Variants in ITGB3BP observed in about 807,000 individuals in gnomAD.
ITGB3BP encodes centromere protein R.
Under a neutral mutation model 29.1 loss-of-function variants are expected in ITGB3BP, and 27 were observed. The ratio of observed to expected loss-of-function variants is 0.93; its 90% CI spans 0.68 to 1.28. The LOEUF is 1.28. Among genes scored for constraint, ITGB3BP ranks in the 50% most tolerant of loss-of-function variants. The probability of loss-of-function intolerance (pLI) is 0.00; values close to 1 mark genes in which losing one functional copy is unlikely to be tolerated. For missense variants in ITGB3BP, 192 were observed against 200.2 expected, an observed-to-expected ratio of 0.96 and a Z score of 0.25; for synonymous variants, 61 against 61.4, an observed-to-expected ratio of 0.99 and a Z score of 0.03.
chr1:63,508,639 G>A, intron 1 of ITGB3BP, 69 bp from the exon 2 acceptor site: 3 of 669,300 alleles, frequency 4.5e-6, no homozygotes, highest in Non-Finnish European at 7.5e-6. Context: ...AATAATTAAG[G>A]GAAGATATAT....
In ITGB3BP at chr1:63,517,385, AAAATAAAAAT is replaced by A. The variant is rs572841858; in HGVS notation, c.5+5734_5+5743del. On this transcript the variant is annotated intron_variant, in intron 1 of 8. Transcript: ENST00000271002. ...CTAAAACTTAAAGTATAATAATAAAAAAATAAAAATAAATAAAAATAAATAAAAAATAAAT... is the reference window on the plus strand; with the variant it reads ...CTAAAACTTAAAGTATAATAATAAAAAAATAAAAATAAATAAAAAATAAAT... 8.1e-3 allele frequency among the ~76,000 whole-genome samples: 1,224 copies of A among 151,496 alleles called. 14 individuals are homozygous for A. Among genetic ancestry groups the A allele is most frequent in the Admixed American group, 0.028 (423 of 15,234 alleles).
Position 63,454,049 on chromosome 1 carries a change from C to T in ITGB3BP, c.428-75G>A. 1.3e-6 allele frequency: 1 copy of T among 771,646 alleles called. No individual in the cohort carries two copies. Among genetic ancestry groups the T allele is most frequent in the Non-Finnish European group, 2.2e-6 (1 of 461,150 alleles). 47.8% of individuals were successfully genotyped at this position (771,646 alleles called of 1,614,324 possible). A position where few individuals can be genotyped will look rare whatever the true frequency, so the allele number is the denominator to read the frequency against. On this transcript the variant is annotated intron_variant, in intron 6 of 8. Transcript: ENST00000271002. The surrounding 1 kb of genome is among the most constrained non-coding windows in gnomAD (Gnocchi z 4.1). The stretch of plus-strand genomic sequence containing the variant: ...ATTTCTCAATACTTGCAACAAACAA[C>T]TTCATGAGAAAAAAATAATTCAAAA...
chr1:63,493,229 C>A (rs929626008), intron 2 of ITGB3BP, among the ~76,000 whole-genome samples: 3 of 152,028 alleles, frequency 2.0e-5, no homozygotes, highest in Non-Finnish European at 4.4e-5. Flanking sequence ...ACCAGCCTGG[C>A]AACATGGAGA....
rs185911100 is a variant in ITGB3BP, at chr1:63,519,039, G to A, written c.5+4090C>T. On this transcript the variant is annotated intron_variant, in intron 1 of 8. Transcript: ENST00000271002. Reference sequence around the variant, plus strand: ...GTGCCACTGGTATCATATATATTATGTCTACATATAACCCCATAATAGTGT... The same window carrying A: ...GTGCCACTGGTATCATATATATTATATCTACATATAACCCCATAATAGTGT... 4.7e-4 allele frequency among the ~76,000 whole-genome samples: 71 copies of A among 152,118 alleles called. 1 individual carries two copies. Among genetic ancestry groups the A allele is most frequent in the African/African-American group, 1.6e-3 (67 of 41,524 alleles).
rs10493346 is a variant in ITGB3BP, at chr1:63,495,992, T to C, written c.49-5774A>G. On this transcript the variant is annotated intron_variant, in intron 2 of 8. Coordinates refer to ENST00000271002, the MANE Select transcript of ITGB3BP (RefSeq NM_014288.5). The stretch of plus-strand genomic sequence containing the variant: ...TCTTGAGATAGGGAGCCGGGAACTA[T>C]TCCAAGCAACGGGTATGATTATGGG... 3.1e-3 allele frequency among the ~76,000 whole-genome samples: 469 copies of C among 152,172 alleles called. 6 individuals are homozygous for C. Among genetic ancestry groups the C allele is most frequent in the Admixed American group, 0.024 (363 of 15,274 alleles).
intron 4 of ITGB3BP, among the ~76,000 whole-genome samples, chr1:63,469,792 CT>C (rs1198057879): frequency 3.9e-5 from 6 of 152,250 alleles, no homozygotes; most frequent in African/African-American, 1.4e-4. Flanking sequence ...TTGTTCAAGA[CT>C]GTTGGGAACA....
chr1:63,471,780 T>C (rs992088345), intron 4 of ITGB3BP, among the ~76,000 whole-genome samples: 3 of 152,120 alleles, frequency 2.0e-5, no homozygotes, highest in Non-Finnish European at 4.4e-5. Flanking sequence ...TTGTGGAATA[T>C]CTTTAAATAA....
At chr1:63,479,647 C>A (rs1192992425) in intron 3 of ITGB3BP, among the ~76,000 whole-genome samples, 1 of 152,080 alleles carries the variant, frequency 6.6e-6, no homozygotes. Flanking sequence ...ATTTTCTGTT[C>A]TATGATTTTG....
chr1:63,473,018 C>G lies in ITGB3BP; in HGVS notation c.254+5746G>C, dbSNP rs1325175673. The stretch of plus-strand genomic sequence containing the variant: ...CGTCTCTGCCCAGCCGCCATCCCAT[C>G]TAGGAAGCGAGGAGCGCCTCTTCCC... On this transcript the variant is annotated intron_variant, in intron 4 of 8. Transcript: ENST00000271002. Among the ~76,000 whole-genome samples the G allele has an allele frequency of 3.2e-4, 49 of 151,694 alleles. No individual in the cohort carries two copies. In the South Asian group the frequency reaches 8.5e-3, roughly 26 times the overall value.
chr1:63,525,837 T>G, upstream of ITGB3BP: 1 of 1,003,994 alleles, frequency 1.0e-6, no homozygotes, highest in Non-Finnish European at 1.4e-6. Flanking sequence ...GAAATTAGAA[T>G]TACCTTGTTG....
At chr1:63,507,323 G>A (rs897074110) in intron 2 of ITGB3BP, among the ~76,000 whole-genome samples, 2 of 152,186 alleles carry the variant, frequency 1.3e-5, no homozygotes, top group Admixed American at 1.3e-4. Flanking sequence ...AATACAGGAT[G>A]TCAGCTGTGG....
upstream of ITGB3BP, among the ~76,000 whole-genome samples, chr1:63,524,779 A>G (rs183465163): frequency 5.8e-4 from 88 of 152,208 alleles, 1 homozygote; most frequent in African/African-American, 1.9e-3. Flanking sequence ...TGACATTGCT[A>G]CCCCTCAATT....
chr1:63,442,715 C>A (rs1020963959), intron 8 of ITGB3BP: 1 of 152,326 alleles, frequency 6.6e-6, no homozygotes, highest in Admixed American at 6.5e-5. Flanking sequence ...ATTGGATGCA[C>A]AATCCTTGTT....
intron 7 of ITGB3BP, among the ~76,000 whole-genome samples, chr1:63,448,281 T>C (rs913849344): frequency 3.3e-5 from 5 of 150,378 alleles, no homozygotes; most frequent in African/African-American, 4.9e-5. Flanking sequence ...TATACATATG[T>C]AACTAACCTG....
chr1:63,517,617 A>T (rs1646362490), intron 1 of ITGB3BP, among the ~76,000 whole-genome samples: 1 of 152,154 alleles, frequency 6.6e-6, no homozygotes, highest in Non-Finnish European at 1.5e-5. Context: ...CTGATTTTGC[A>T]TCCTACATCC....
intron 1 of ITGB3BP, among the ~76,000 whole-genome samples, chr1:63,522,350 G>T (rs1306473637): frequency 6.6e-6 from 1 of 152,118 alleles, no homozygotes; most frequent in Non-Finnish European, 1.5e-5. Context: ...AATAAACTAA[G>T]GAACAGGTTA....
chr1:63,472,534 G>A (rs889461939), intron 4 of ITGB3BP, among the ~76,000 whole-genome samples: 52 of 146,554 alleles, frequency 3.5e-4, no homozygotes, highest in Non-Finnish European at 6.3e-4. Flanking sequence ...AAAGGTGGAC[G>A]GTACTGCTGC....
At chr1:63,522,257 T>C (rs889593795) in intron 1 of ITGB3BP, among the ~76,000 whole-genome samples, 1 of 152,242 alleles carries the variant, frequency 6.6e-6, no homozygotes, top group Admixed American at 6.5e-5. Context: ...ATCATTTCTG[T>C]ACAGCTTTCC....
chr1:63,502,492 G>A (rs1274371483), intron 2 of ITGB3BP, among the ~76,000 whole-genome samples: 4 of 148,010 alleles, frequency 2.7e-5, no homozygotes, highest in African/African-American at 1.0e-4. Context: ...TCAGAATCAT[G>A]GCGGGAGGCA....
Sources: gnomAD v4.1 joint callset for allele counts (sites outside exome capture counted in the v4.1 genomes callset) on GRCh38, gnomAD v4.1.1 for gene constraint, Gnocchi (gnomAD v3.1) non-coding constraint, MANE v1.5 for transcripts, NCBI Gene and HGNC (gene_info 2026-07-23, HGNC 2026-07-21) for gene names.